AKT2: variants seen among roughly 807,000 people sequenced by gnomAD.
The protein encoded by AKT2 is AKT serine/threonine kinase 2.
Under a neutral mutation model 58.6 loss-of-function variants are expected in AKT2, and 16 were observed. That is an observed-to-expected ratio of 0.27 (90% CI 0.18 to 0.41). The LOEUF is 0.41. Ranked by LOEUF, AKT2 falls within the 10% of genes least tolerant of loss-of-function variation. The pLI, the probability that AKT2 is intolerant of heterozygous loss-of-function variation, is 1.00. For synonymous variants in AKT2, 253 were observed against 254.0 expected (o/e 1.00, Z 0.04); for missense variants, 438 against 661.0 (o/e 0.66, Z 3.70).
Position 40,234,513 on chromosome 19 carries a change from C to A in AKT2, c.1366+532G>T. 1 of 275,160 alleles carries A rather than the reference C, an allele frequency of 3.6e-6. No individual in the cohort carries two copies. Among genetic ancestry groups the A allele is most frequent in the Non-Finnish European group, 6.9e-6 (1 of 145,692 alleles). 17.0% of individuals were successfully genotyped at this position (275,160 alleles called of 1,614,324 possible). A position where few individuals can be genotyped will look rare whatever the true frequency, so the allele number is the denominator to read the frequency against. On this transcript the variant is annotated intron_variant, in intron 13 of 13. Transcript: ENST00000392038. This position sits in a 1 kb window ranked among gnomAD's most constrained non-coding sequence, Gnocchi z 4.7. The stretch of plus-strand genomic sequence containing the variant: ...TGCTTCTCCCATTGCTGGCATCCCA[C>A]ACGTCATTCCTCCGGCCAGCTGACA...
chr19:40,242,276 G>T lies in AKT2; in HGVS notation c.442-207C>A. 1 of 875,648 alleles carries T rather than the reference G, an allele frequency of 1.1e-6. No homozygotes were observed. 54.2% of individuals were successfully genotyped at this position (875,648 alleles called of 1,614,324 possible). ...AGGCACAGGGCCTTGGGAGGGCTGGGCTCTGACGTGGGGGTAGCCAGGTCT... is the reference window on the plus strand; with the variant it reads ...AGGCACAGGGCCTTGGGAGGGCTGGTCTCTGACGTGGGGGTAGCCAGGTCT... On this transcript the variant is annotated intron_variant, in intron 5 of 13. Coordinates refer to ENST00000392038, the MANE Select transcript of AKT2 (RefSeq NM_001626.6). This position sits in a 1 kb window ranked among gnomAD's most constrained non-coding sequence, Gnocchi z 4.3.
In AKT2 at chr19:40,240,895, T is replaced by A. The variant is rs1001565261; in HGVS notation, c.574-785A>T. 3.9e-5 allele frequency: 6 copies of A among 153,760 alleles called. No individual in the cohort carries two copies. The East Asian group carries it at 1.2e-3, about 30-fold the overall frequency. 9.5% of individuals were successfully genotyped at this position (153,760 alleles called of 1,614,324 possible). ...TCAACCTCTGAGGCTCCACTGATCC[T>A]CCCACTTCAGCCTCCTGAGCAGCTG... On this transcript the variant is annotated intron_variant, in intron 6 of 13. Coordinates refer to ENST00000392038, the MANE Select transcript of AKT2 (RefSeq NM_001626.6).
chr19:40,251,619 G>C (rs1024601429), intron 4 of AKT2, among the ~76,000 whole-genome samples: 1 of 152,110 alleles, frequency 6.6e-6, no homozygotes, highest in Non-Finnish European at 1.5e-5. Context: ...GGCTGAACTA[G>C]ATTAAATAAA....
intron 4 of AKT2, chr19:40,243,315 G>A (rs903586835): frequency 6.5e-6 from 1 of 154,304 alleles, no homozygotes. Flanking sequence ...GGGAGAGAGA[G>A]TGCTCCTGTG....
chr19:40,257,104 A>G, intron 2 of AKT2, 50 bp from the exon 3 acceptor site: 2 of 1,608,656 alleles, frequency 1.2e-6, no homozygotes, highest in Non-Finnish European at 1.7e-6. Context: ...AGGTTGAGTG[A>G]TGTCCCAGGT....
chr19:40,279,184 A>G (rs1272406321), intron 1 of AKT2: 11 of 152,302 alleles, frequency 7.2e-5, no homozygotes, highest in South Asian at 2.1e-4. Context: ...GACCTCTGAC[A>G]TGCAGTCTCC....
At chr19:40,248,371 G>C (rs1239236422) in intron 4 of AKT2, among the ~76,000 whole-genome samples, 2 of 152,244 alleles carry the variant, frequency 1.3e-5, no homozygotes, top group African/African-American at 4.8e-5. Context: ...TGTGGATGCA[G>C]CAGGGGACAA....
intron 1 of AKT2, among the ~76,000 whole-genome samples, chr19:40,269,795 T>C (rs1976588342): frequency 6.6e-6 from 1 of 151,030 alleles, no homozygotes; most frequent in Non-Finnish European, 1.5e-5. Flanking sequence ...AGGGAAGGAG[T>C]GAGAGAATGT....
chr19:40,240,209 TC>T, intron 6 of AKT2, 99 bp from the exon 7 acceptor site: 1 of 1,238,640 alleles, frequency 8.1e-7, no homozygotes, highest in Non-Finnish European at 1.2e-6. Context: ...GCAATTCCAT[TC>T]CCAGCCATAA....
Position 40,278,416 on chromosome 19 carries a change from G to A in AKT2, c.-85+6765C>T, listed in dbSNP as rs191252694. Among the ~76,000 whole-genome samples, 263 of 152,218 alleles carry A rather than the reference G, an allele frequency of 1.7e-3. 1 individual carries two copies. Among genetic ancestry groups the A allele is most frequent in the Non-Finnish European group, 1.0e-3 (69 of 68,028 alleles). On this transcript the variant is annotated intron_variant, in intron 1 of 13. Transcript: ENST00000392038. ...CAGCACTGAGAGGCGAACTACTCACGAGAATGACCCCAATATTCTATGTGG... is the reference window on the plus strand; with the variant it reads ...CAGCACTGAGAGGCGAACTACTCACAAGAATGACCCCAATATTCTATGTGG...
Position 40,233,809 on chromosome 19 carries a change from AG to A in AKT2, c.*62del. ...AACCAAAAAGGCTAAGTAAAAAGTT[AG>A]GGGGAAAAAACCACCCAGCGGTGAT... On this transcript the variant is annotated 3_prime_UTR_variant, in exon 14 of 14. Coordinates refer to ENST00000392038, the MANE Select transcript of AKT2 (RefSeq NM_001626.6). This position sits in a 1 kb window ranked among gnomAD's most constrained non-coding sequence, Gnocchi z 4.3. 1 of 1,538,406 alleles carries A rather than the reference AG, an allele frequency of 6.5e-7. No homozygotes were observed. The highest frequency in any genetic ancestry group is 8.9e-7 in the Non-Finnish European group (1 of 1,124,004).
rs773924446 is a variant in AKT2, at chr19:40,233,711, G to A, written c.*161C>T. ...GAGGCTGGAGGCAGGGGCTGCAGGG[G>A]CCGCTGGGGTGCGTCTGGGAGGGGC... On this transcript the variant is annotated 3_prime_UTR_variant, in exon 14 of 14. Transcript: ENST00000392038. This position sits in a 1 kb window ranked among gnomAD's most constrained non-coding sequence, Gnocchi z 4.3. The A allele has an allele frequency of 1.4e-5, 11 of 796,582 alleles. No homozygotes were observed. Among genetic ancestry groups the A allele is most frequent in the Non-Finnish European group, 2.2e-5 (10 of 453,392 alleles). The allele number at this position is 796,582 out of a possible 1,614,324, so 49.3% of individuals were successfully genotyped here.
At chr19:40,236,199 C>T in intron 10 of AKT2, 58 bp downstream of exon 10, 1 of 1,613,470 alleles carries the variant, frequency 6.2e-7, no homozygotes, top group South Asian at 1.1e-5. Context: ...ACACACAGGT[C>T]TGGGGGATCC....
At chr19:40,247,505 G>A (rs1294547227) in intron 4 of AKT2, among the ~76,000 whole-genome samples, 1 of 152,236 alleles carries the variant, frequency 6.6e-6, no homozygotes, top group Non-Finnish European at 1.5e-5. Context: ...CTGAGCCTCA[G>A]TGAAGCGCTG....
At chr19:40,239,956 T>C in intron 7 of AKT2, 89 bp downstream of exon 7, 1 of 1,503,342 alleles carries the variant, frequency 6.7e-7, no homozygotes, top group Non-Finnish European at 9.3e-7. Flanking sequence ...ACCCCAAGAC[T>C]GTGCTTTGTA....
At chr19:40,256,887 T>C (rs753515223) in intron 3 of AKT2, 39 bp downstream of exon 3, 5 of 1,613,342 alleles carry the variant, frequency 3.1e-6, no homozygotes, top group Non-Finnish European at 4.2e-6. Flanking sequence ...AGCCATCCTG[T>C]GAGCACCAGA....
intron 2 of AKT2, 147 bp from the exon 3 acceptor site, chr19:40,257,201 CA>C (rs1975601182): frequency 1.8e-6 from 2 of 1,102,694 alleles, no homozygotes; most frequent in East Asian, 2.5e-5. Flanking sequence ...ATGCCTCTCC[CA>C]GAGGAGCCCT....
intron 1 of AKT2, among the ~76,000 whole-genome samples, chr19:40,275,856 T>G (rs1189788541): frequency 8.4e-6 from 1 of 118,498 alleles, no homozygotes; most frequent in Non-Finnish European, 1.7e-5. Flanking sequence ...CTACTAAAAA[T>G]ACAAAAATTA....
chr19:40,268,779 G>A (rs1347974241), intron 1 of AKT2: 1 of 152,324 alleles, frequency 6.6e-6, no homozygotes, highest in East Asian at 1.9e-4. Flanking sequence ...CTCAGCTGAG[G>A]TGTCCGTGAC....
Sources: allele counts gnomAD v4.1 joint callset (sites outside exome capture counted in the v4.1 genomes callset), GRCh38; gene constraint gnomAD v4.1.1; non-coding constraint Gnocchi (gnomAD v3.1); transcripts MANE v1.5; gene names NCBI Gene and HGNC (gene_info 2026-07-23, HGNC 2026-07-21).